RAD51B: variants seen among roughly 807,000 people sequenced by gnomAD.
RAD51B encodes the protein DNA repair protein RAD51 homolog 2.
RAD51B carries 38 observed loss-of-function variants against 42.2 expected under a neutral mutation model. That is an observed-to-expected ratio of 0.90 (90% confidence interval 0.70 to 1.18). RAD51B has a LOEUF of 1.18. RAD51B is among the 50% of genes most tolerant of loss of function. RAD51B has a pLI of 0.00. For synonymous variants in RAD51B, 154 were observed against 145.2 expected, an observed-to-expected ratio of 1.06 and a Z score of -0.43; for missense variants, 373 against 400.7, an observed-to-expected ratio of 0.93 and a Z score of 0.59.
At chr14:67,915,288 G>C (rs1464398035) in intron 7 of RAD51B, among the ~76,000 whole-genome samples, 1 of 152,158 alleles carries the variant, frequency 6.6e-6, no homozygotes, top group Admixed American at 6.6e-5. Flanking sequence ...AAGAAGGGGG[G>C]GATTAGGTGT....
intron 7 of RAD51B, among the ~76,000 whole-genome samples, chr14:68,058,184 T>C (rs2076509905): frequency 6.6e-6 from 1 of 152,192 alleles, no homozygotes; most frequent in African/African-American, 2.4e-5. Context: ...TACTAGGTTT[T>C]GGAGAATGAC....
intron 10 of RAD51B, among the ~76,000 whole-genome samples, chr14:68,577,021 T>C (rs540808665): frequency 6.6e-6 from 1 of 152,386 alleles, no homozygotes; most frequent in African/African-American, 2.4e-5. Flanking sequence ...GGCCAGGGTC[T>C]GTCAGAACAC....
chr14:68,241,072 A>G (rs2080374002), intron 7 of RAD51B, among the ~76,000 whole-genome samples: 1 of 152,130 alleles, frequency 6.6e-6, no homozygotes, highest in South Asian at 2.1e-4. Flanking sequence ...CTAGTCTATG[A>G]CTTTTTCTTG....
At chr14:68,649,002 G>A (rs1430529508) in intron 10 of RAD51B, among the ~76,000 whole-genome samples, 1 of 152,172 alleles carries the variant, frequency 6.6e-6, no homozygotes, top group South Asian at 2.1e-4. Flanking sequence ...GCTGTCTCCA[G>A]AGGCAACCCT....
intron 5 of RAD51B, among the ~76,000 whole-genome samples, chr14:67,883,342 A>AC (rs56676579): frequency 2.6e-5 from 4 of 151,614 alleles, no homozygotes; most frequent in Admixed American, 2.6e-4. Context: ...AAAAAAAAAA[A>AC]CAAAAACCAC....
intron 7 of RAD51B, among the ~76,000 whole-genome samples, chr14:67,983,055 G>T (rs2075124339): frequency 1.3e-5 from 2 of 152,072 alleles, no homozygotes; most frequent in African/African-American, 2.4e-5. Context: ...GAGGGAGAAA[G>T]ACCCTGTCTC....
chr14:68,384,462 T>A (rs2083548575), intron 8 of RAD51B, among the ~76,000 whole-genome samples: 1 of 152,142 alleles, frequency 6.6e-6, no homozygotes, highest in Non-Finnish European at 1.5e-5. Flanking sequence ...GGAAAAAACC[T>A]TATGAGAGGC....
At chr14:68,292,727 G>A (rs977824688) in intron 8 of RAD51B, among the ~76,000 whole-genome samples, 4 of 152,176 alleles carry the variant, frequency 2.6e-5, no homozygotes, top group African/African-American at 9.7e-5. Context: ...AGACTTTTAG[G>A]CCTAGCAAGG....
downstream of RAD51B, among the ~76,000 whole-genome samples, chr14:68,479,258 A>G (rs1484609597): frequency 6.6e-6 from 1 of 152,192 alleles, no homozygotes; most frequent in Admixed American, 6.5e-5. Context: ...TTCTTATGAC[A>G]TGAATTGGTT....
In RAD51B at chr14:68,683,073, G is replaced by A. The variant is rs11627418; in HGVS notation, c.*11+32217G>A. ...ATATGCCTGTTATTTTTTTCTGTCA[G>A]AAAAAAAATGGGGCCTGCCAAAACG... On this transcript the variant is annotated intron_variant, in intron 11 of 11. Transcript: ENST00000488612. The A allele has an allele frequency of 2.8e-5, 15 of 532,400 alleles. No individual in the cohort carries two copies. In the East Asian group the frequency reaches 9.4e-4, roughly 34 times the overall value. The allele number at this position is 532,400 out of a possible 1,614,324, so 33.0% of individuals were successfully genotyped here. A position where few individuals can be genotyped will look rare whatever the true frequency, so the allele number is the denominator to read the frequency against.
intron 3 of RAD51B, among the ~76,000 whole-genome samples, chr14:67,827,632 C>G (rs1054721068): frequency 6.6e-6 from 1 of 152,274 alleles, no homozygotes; most frequent in Admixed American, 6.5e-5. Context: ...TCTCCCTCTC[C>G]CCCACAACCT....
chr14:68,216,460 T>A (rs1320022876), intron 7 of RAD51B, among the ~76,000 whole-genome samples: 1 of 152,192 alleles, frequency 6.6e-6, no homozygotes, highest in East Asian at 1.9e-4. Flanking sequence ...CTTAAGGACA[T>A]GTGATAACTT....
intron 7 of RAD51B, among the ~76,000 whole-genome samples, chr14:68,085,932 GTTT>G (rs1436375794): frequency 6.6e-6 from 1 of 152,218 alleles, no homozygotes. Flanking sequence ...AGGGGTGAAT[GTTT>G]ACAGCTGAAG....
chr14:68,625,316 G>T (rs1035434305), intron 10 of RAD51B, among the ~76,000 whole-genome samples: 14 of 152,100 alleles, frequency 9.2e-5, no homozygotes, highest in Non-Finnish European at 1.5e-4. Context: ...TGTCTCCCTT[G>T]AACTTTTCTG....
chr14:68,487,117 A>G (rs1447055722), intron 10 of RAD51B, among the ~76,000 whole-genome samples: 1 of 152,256 alleles, frequency 6.6e-6, no homozygotes, highest in Non-Finnish European at 1.5e-5. Flanking sequence ...CAGGCTGCAT[A>G]AAAGAATACC....
chr14:68,109,756 G>A (rs569385090), intron 7 of RAD51B, among the ~76,000 whole-genome samples: 10 of 152,060 alleles, frequency 6.6e-5, no homozygotes, highest in Admixed American at 3.3e-4. Context: ...GAAAGAGTGG[G>A]CAGCAGTACT....
At chr14:68,545,657 C>T in intron 10 of RAD51B, 1 of 455,138 alleles carries the variant, frequency 2.2e-6, no homozygotes. Flanking sequence ...CCTATAGACA[C>T]CTATCCATCA....
intron 5 of RAD51B, among the ~76,000 whole-genome samples, chr14:67,877,560 C>G (rs1166063123): frequency 6.6e-6 from 1 of 152,080 alleles, no homozygotes; most frequent in Non-Finnish European, 1.5e-5. Context: ...TTTGCAGAAG[C>G]TTTTTGTGTG....
At chr14:68,356,278 CA>C (rs1331614859) in intron 8 of RAD51B, among the ~76,000 whole-genome samples, 1 of 151,640 alleles carries the variant, frequency 6.6e-6, no homozygotes, top group African/African-American at 2.4e-5. Flanking sequence ...TAAATAAATA[CA>C]AAAAAATTAG....
Sources: allele counts gnomAD v4.1 joint callset (sites outside exome capture counted in the v4.1 genomes callset), GRCh38; gene constraint gnomAD v4.1.1; transcripts MANE v1.5; gene names NCBI Gene and HGNC (gene_info 2026-07-23, HGNC 2026-07-21).